Variants in LRTM1 observed in about 807,000 individuals in gnomAD.
LRTM1 encodes the protein leucine rich repeat transmembrane protein 1.
Under a neutral mutation model 32.4 loss-of-function variants are expected in LRTM1, and 38 were observed. The observed-to-expected ratio is 1.17, with a 90% CI of 0.91 to 1.54. The LOEUF is 1.54. Among genes scored for constraint, LRTM1 ranks in the 40% most tolerant of loss-of-function variants. The pLI is 0.00. For synonymous variants in LRTM1, 186 were observed against 169.9 expected (o/e 1.09, Z -0.74); for missense variants, 466 against 415.4 (o/e 1.12, Z -1.06).
At chr3:54,963,934 T>A (rs1376690508) in intron 1 of LRTM1, among the ~76,000 whole-genome samples, 3 of 152,220 alleles carry the variant, frequency 2.0e-5, no homozygotes, top group Non-Finnish European at 4.4e-5. Flanking sequence ...TGTTGAAGTT[T>A]CGATATCTGT....
At position 54,924,712 on chromosome 3, in the gene LRTM1, T is replaced by G. The variant is rs780200127; in HGVS notation, c.511A>C (p.Ser171Arg). ...LDRALLESMP[S>R]VRLLLLKDNL... ...TCCTTGAGAAGTAAAAGCCTCACACTGGGCATGGATTCCAGGAGCGCTCGA... is the reference window on the plus strand; with the variant it reads ...TCCTTGAGAAGTAAAAGCCTCACACGGGGCATGGATTCCAGGAGCGCTCGA... Residue 171 changes from serine (S) to arginine (R), a missense_variant, in exon 2 of 3, where the codon AGT (serine) becomes CGT (arginine). Transcript: ENST00000273286. The G allele has an allele frequency of 4.3e-6, 7 of 1,614,044 alleles. No individual in the cohort carries two copies. The highest frequency in any genetic ancestry group is 5.9e-6 in the Non-Finnish European group (7 of 1,180,036).
At chr3:54,939,819 C>T (rs1208180571) in intron 1 of LRTM1, among the ~76,000 whole-genome samples, 9 of 152,292 alleles carry the variant, frequency 5.9e-5, no homozygotes, top group Non-Finnish European at 1.0e-4. Flanking sequence ...TCCTGCCCTT[C>T]GGCCCACATG....
At chr3:54,935,899 G>A (rs1185887679) in intron 1 of LRTM1, among the ~76,000 whole-genome samples, 1 of 152,174 alleles carries the variant, frequency 6.6e-6, no homozygotes. Flanking sequence ...GACTTAGATT[G>A]TAGCCCACAT....
At chr3:54,930,095 A>G (rs1419310220), upstream of LRTM1, among the ~76,000 whole-genome samples, 1 of 152,240 alleles carries the variant, frequency 6.6e-6, no homozygotes, top group Non-Finnish European at 1.5e-5. Context: ...GACAATACAT[A>G]AATCAATGGG....
intron 1 of LRTM1, among the ~76,000 whole-genome samples, chr3:54,955,150 T>C (rs9841185): frequency 0.025 from 3,781 of 152,058 alleles, 175 homozygotes; most frequent in African/African-American, 0.086. Context: ...AATAACCCAG[T>C]GGGGTACAGA....
chr3:54,933,293 C>A (rs1203544062), intron 1 of LRTM1, among the ~76,000 whole-genome samples: 1 of 152,160 alleles, frequency 6.6e-6, no homozygotes, highest in Non-Finnish European at 1.5e-5. Flanking sequence ...ACAAACAACA[C>A]CCAAATCTCA....
upstream of LRTM1, among the ~76,000 whole-genome samples, chr3:54,929,647 A>G (rs1293905773): frequency 6.6e-6 from 1 of 152,128 alleles, no homozygotes; most frequent in Admixed American, 6.5e-5. Flanking sequence ...TTTTTTGAGC[A>G]TCACACATAC....
At chr3:54,954,428 A>G (rs985125526) in intron 1 of LRTM1, among the ~76,000 whole-genome samples, 1 of 152,236 alleles carries the variant, frequency 6.6e-6, no homozygotes, top group Non-Finnish European at 1.5e-5. Flanking sequence ...TGTGTGGAGC[A>G]GAATACTCCT....
chr3:54,964,920 C>T (rs1401293330), intron 1 of LRTM1, among the ~76,000 whole-genome samples: 2 of 152,006 alleles, frequency 1.3e-5, no homozygotes, highest in South Asian at 2.1e-4. Context: ...TCTCATTCTC[C>T]CATTTCCCAT....
At chr3:54,935,541 A>C (rs1254531051) in intron 1 of LRTM1, among the ~76,000 whole-genome samples, 1 of 152,178 alleles carries the variant, frequency 6.6e-6, no homozygotes, top group East Asian at 1.9e-4. Flanking sequence ...TTTTACTTAG[A>C]TCTTTTGAGT....
At chr3:54,919,550 C>T (rs924272371) in intron 2 of LRTM1, among the ~76,000 whole-genome samples, 2 of 152,132 alleles carry the variant, frequency 1.3e-5, no homozygotes, top group African/African-American at 2.4e-5. Flanking sequence ...ACCCAGTTTC[C>T]ATTACCTGTA....
chr3:54,944,264 T>C (rs1701551833), intron 1 of LRTM1, among the ~76,000 whole-genome samples: 1 of 152,178 alleles, frequency 6.6e-6, no homozygotes, highest in Non-Finnish European at 1.5e-5. Flanking sequence ...CCTTCAGTTC[T>C]AGGAAATTTT....
At chr3:54,957,077 G>A (rs1559644647) in intron 1 of LRTM1, among the ~76,000 whole-genome samples, 1 of 152,126 alleles carries the variant, frequency 6.6e-6, no homozygotes, top group Non-Finnish European at 1.5e-5. Flanking sequence ...ATACTAGAGG[G>A]CTTCATAAAT....
rs141453618 is a variant in LRTM1, at chr3:54,918,504, A to G, written c.993T>C (p.Pro331=). 110 of 1,613,890 alleles carry G rather than the reference A, an allele frequency of 6.8e-5. No homozygotes were observed. The African/African-American group carries it at 1.3e-3, about 19-fold the overall frequency. ...HGGPLAQTND[P]GKVEEKERFD... Reference sequence around the variant, plus strand: ...ATCGCTCTTTTTCTTCCACCTTCCCAGGATCATTGGTTTGAGCCAAGGGTC... The same window carrying G: ...ATCGCTCTTTTTCTTCCACCTTCCCGGGATCATTGGTTTGAGCCAAGGGTC... Residue 331 remains proline, a synonymous_variant, in exon 3 of 3, where the codon CCT becomes CCC. Coordinates refer to ENST00000273286, the MANE Select transcript of LRTM1 (RefSeq NM_020678.4).
chr3:54,949,804 T>C (rs536257940), intron 1 of LRTM1, among the ~76,000 whole-genome samples: 2 of 152,338 alleles, frequency 1.3e-5, no homozygotes, highest in South Asian at 4.1e-4. Context: ...TGGAAGACTT[T>C]TTTTGCCTGT....
intron 1 of LRTM1, among the ~76,000 whole-genome samples, chr3:54,937,508 G>A (rs1701360019): frequency 6.6e-6 from 1 of 152,138 alleles, no homozygotes; most frequent in African/African-American, 2.4e-5. Flanking sequence ...TTTCCAATCT[G>A]TGTATTAGTG....
At chr3:54,928,782 G>A (rs534493495), upstream of LRTM1, among the ~76,000 whole-genome samples, 17 of 149,608 alleles carry the variant, frequency 1.1e-4, no homozygotes, top group East Asian at 4.0e-4. Context: ...ATCTTTCTTC[G>A]TTTCCCTGAT....
chr3:54,937,724 G>A (rs1701365594), intron 1 of LRTM1, among the ~76,000 whole-genome samples: 1 of 152,064 alleles, frequency 6.6e-6, no homozygotes, highest in African/African-American at 2.4e-5. Context: ...CCACAGAGAG[G>A]GGAAGAGACG....
At position 54,918,438 on chromosome 3, in the gene LRTM1, T is replaced by C. The variant is rs1269828525; in HGVS notation, c.*21A>G. 3 of 1,505,080 alleles carry C rather than the reference T, an allele frequency of 2.0e-6. No individual in the cohort carries two copies. The highest frequency in any genetic ancestry group is 2.7e-6 in the Non-Finnish European group (3 of 1,107,952). 93.2% of individuals were successfully genotyped at this position (1,505,080 alleles called of 1,614,324 possible). On this transcript the variant is annotated 3_prime_UTR_variant, in exon 3 of 3. Coordinates refer to ENST00000273286, the MANE Select transcript of LRTM1 (RefSeq NM_020678.4). Reference sequence around the variant, plus strand: ...CTATCTTCTGGCCTGCAATGACCAATCCTATTTGAGACAAAAGCTCTCAGG... The same window carrying C: ...CTATCTTCTGGCCTGCAATGACCAACCCTATTTGAGACAAAAGCTCTCAGG...
Sources: allele counts gnomAD v4.1 joint callset (sites outside exome capture counted in the v4.1 genomes callset), GRCh38; gene constraint gnomAD v4.1.1; transcripts MANE v1.5; gene names NCBI Gene and HGNC (gene_info 2026-07-23, HGNC 2026-07-21).